The following SCRG1 variants were observed in gnomAD, a reference collection of about 807,000 sequenced individuals.
SCRG1 encodes scrapie-responsive protein 1.
A neutral mutation model predicts 7.7 loss-of-function variants in SCRG1; 3 were observed. That is an observed-to-expected ratio of 0.39 (90% CI 0.18 to 1.01). The LOEUF (loss-of-function observed/expected upper bound fraction) is 1.01, where lower values mean the gene tolerates loss of function less well. Ranked by LOEUF, SCRG1 falls within the 50% of genes least tolerant of loss-of-function variation. SCRG1 has a pLI of 0.36. For synonymous variants in SCRG1, 46 were observed against 41.2 expected (o/e 1.12, Z -0.44); for missense variants, 110 against 117.2 (o/e 0.94, Z 0.28).
the SCRG1 span, among the ~76,000 whole-genome samples, chr4:173,495,675 A>T: frequency 6.6e-6 from 1 of 152,232 alleles, no homozygotes; most frequent in South Asian, 2.1e-4. Flanking sequence ...TGAAGCATGG[A>T]ACAATAACTT....
At chr4:173,439,671 T>C in the SCRG1 span, among the ~76,000 whole-genome samples, 1 of 151,968 alleles carries the variant, frequency 6.6e-6, no homozygotes, top group Non-Finnish European at 1.5e-5. Flanking sequence ...TATATAAAAG[T>C]TTTCTTATTT....
chr4:173,495,070 G>A, the SCRG1 span, among the ~76,000 whole-genome samples: 2 of 152,320 alleles, frequency 1.3e-5, no homozygotes, highest in East Asian at 3.9e-4. Context: ...TGAAAAATAG[G>A]GAAAACAGGG....
the SCRG1 span, among the ~76,000 whole-genome samples, chr4:173,491,755 A>C: frequency 6.6e-6 from 1 of 152,178 alleles, no homozygotes; most frequent in Admixed American, 6.5e-5. Flanking sequence ...TTCAACCCTC[A>C]GGCTGAAAAG....
chr4:173,442,763 G>A, the SCRG1 span, among the ~76,000 whole-genome samples: 2 of 152,128 alleles, frequency 1.3e-5, no homozygotes, highest in African/African-American at 2.4e-5. Flanking sequence ...AAGTGAGGAC[G>A]TGGGACAAAG....
the SCRG1 span, among the ~76,000 whole-genome samples, chr4:173,514,374 TTTG>T: frequency 6.6e-6 from 1 of 152,188 alleles, no homozygotes; most frequent in Non-Finnish European, 1.5e-5. Context: ...ATTGACTTCT[TTTG>T]TTGTTGTTAC....
chr4:173,491,944 A>T, the SCRG1 span, among the ~76,000 whole-genome samples: 1 of 152,052 alleles, frequency 6.6e-6, no homozygotes, highest in Non-Finnish European at 1.5e-5. Context: ...AGCCTGGGCA[A>T]CATAGTGAGA....
chr4:173,486,025 A>G, the SCRG1 span, among the ~76,000 whole-genome samples: 1 of 152,120 alleles, frequency 6.6e-6, no homozygotes, highest in South Asian at 2.1e-4. Context: ...TTCATAAACT[A>G]TGTCAAAGGC....
chr4:173,476,066 A>G, the SCRG1 span, among the ~76,000 whole-genome samples: 1 of 152,072 alleles, frequency 6.6e-6, no homozygotes, highest in Non-Finnish European at 1.5e-5. Flanking sequence ...ACATTTTAAA[A>G]TGGTTAAAAT....
chr4:173,487,863 G>A, the SCRG1 span, among the ~76,000 whole-genome samples: 1 of 152,022 alleles, frequency 6.6e-6, no homozygotes, highest in Non-Finnish European at 1.5e-5. Flanking sequence ...AGCACTTTGG[G>A]AGGCCGAGGT....
the SCRG1 span, among the ~76,000 whole-genome samples, chr4:173,484,027 T>A: frequency 4.6e-5 from 3 of 64,914 alleles, no homozygotes; most frequent in African/African-American, 6.5e-5. Flanking sequence ...TATATTATAA[T>A]ATACATATAT....
At chr4:173,509,279 G>A in the SCRG1 span, among the ~76,000 whole-genome samples, 4 of 152,156 alleles carry the variant, frequency 2.6e-5, no homozygotes, top group African/African-American at 9.6e-5. This position sits in a 1 kb window ranked among gnomAD's most constrained non-coding sequence, Gnocchi z 5.7. Context: ...CTCACTCGCG[G>A]GGAGGATGGG....
chr4:173,419,868 G>T, the SCRG1 span: 4 of 1,128,094 alleles, frequency 3.5e-6, no homozygotes, highest in South Asian at 4.9e-5. Context: ...GCCAGCAGCA[G>T]GCCAGTACAA....
At chr4:173,487,230 T>G in the SCRG1 span, among the ~76,000 whole-genome samples, 4 of 152,220 alleles carry the variant, frequency 2.6e-5, no homozygotes, top group East Asian at 7.7e-4. Context: ...ATGAGACATC[T>G]GGCAGATGGC....
chr4:173,518,676 C>T, the SCRG1 span, among the ~76,000 whole-genome samples: 1 of 152,196 alleles, frequency 6.6e-6, no homozygotes, highest in Non-Finnish European at 1.5e-5. Context: ...TTCACCGTTT[C>T]CCAATCCCAG....
At chr4:173,469,784 C>A in the SCRG1 span, 2 of 152,356 alleles carry the variant, frequency 1.3e-5, 1 homozygote, top group South Asian at 4.1e-4. Flanking sequence ...AAGAATCGTT[C>A]TCCAGCTCCT....
At chr4:173,493,615 A>AG in the SCRG1 span, among the ~76,000 whole-genome samples, 1 of 144,402 alleles carries the variant, frequency 6.9e-6, no homozygotes, top group Non-Finnish European at 1.5e-5. Context: ...AGACTCAGTC[A>AG]GAAAAAAAAA....
At chr4:173,403,495 G>A (rs1739817310), upstream of SCRG1, among the ~76,000 whole-genome samples, 1 of 152,066 alleles carries the variant, frequency 6.6e-6, no homozygotes, top group African/African-American at 2.4e-5. Context: ...GGAATGCTGG[G>A]CTTTTTAACA....
the SCRG1 span, among the ~76,000 whole-genome samples, chr4:173,421,076 C>A: frequency 1.3e-5 from 2 of 151,968 alleles, no homozygotes; most frequent in African/African-American, 4.8e-5. Context: ...ATAGCTCGTG[C>A]CTAAATATCA....
At chr4:173,518,781 C>T in the SCRG1 span, among the ~76,000 whole-genome samples, 1 of 152,192 alleles carries the variant, frequency 6.6e-6, no homozygotes, top group Non-Finnish European at 1.5e-5. Context: ...AGACGGATGG[C>T]TGGCAGGAGC....
Sources: allele counts gnomAD v4.1 joint callset (sites outside exome capture counted in the v4.1 genomes callset), GRCh38; gene constraint gnomAD v4.1.1; non-coding constraint Gnocchi (gnomAD v3.1); transcripts MANE v1.5; gene names NCBI Gene and HGNC (gene_info 2026-07-23, HGNC 2026-07-21).